CCDC88C: variants seen among roughly 807,000 people sequenced by gnomAD.
CCDC88C encodes the protein protein Daple.
In CCDC88C, 131 loss-of-function variants were observed where a neutral mutation model predicts 198.8. That is an observed-to-expected ratio of 0.66 (90% CI 0.57 to 0.76). The LOEUF (loss-of-function observed/expected upper bound fraction) is 0.76, where lower values mean the gene tolerates loss of function less well. Ranked by LOEUF, CCDC88C falls within the 30% of genes least tolerant of loss-of-function variation. The pLI, the probability that CCDC88C is intolerant of heterozygous loss-of-function variation, is 0.00. For missense variants in CCDC88C, 2,553 were observed against 2,631.6 expected (o/e 0.97, Z 0.65); for synonymous variants, 1,166 against 1,114.7 (o/e 1.05, Z -0.92).
intron 29 of CCDC88C, among the ~76,000 whole-genome samples, chr14:91,276,410 A>C (rs1437415626): frequency 6.6e-6 from 1 of 152,268 alleles, no homozygotes; most frequent in Non-Finnish European, 1.5e-5. Context: ...AGAAATGTTT[A>C]AATGAAGGAA....
chr14:91,362,553 C>T (rs770250474), intron 3 of CCDC88C, among the ~76,000 whole-genome samples: 20 of 152,198 alleles, frequency 1.3e-4, no homozygotes, highest in Non-Finnish European at 2.6e-4. Flanking sequence ...TATGTGTTCT[C>T]CTTCCAAAAC....
At chr14:91,416,054 C>T (rs957515042) in intron 2 of CCDC88C, among the ~76,000 whole-genome samples, 1 of 152,184 alleles carries the variant, frequency 6.6e-6, no homozygotes, top group Non-Finnish European at 1.5e-5. Flanking sequence ...GAAGCCAACA[C>T]CTACGTTGTG....
chr14:91,380,549 C>CT (rs1884726712), intron 3 of CCDC88C, among the ~76,000 whole-genome samples: 1 of 151,832 alleles, frequency 6.6e-6, no homozygotes, highest in Non-Finnish European at 1.5e-5. Context: ...AGATTGGCTC[C>CT]ATCTTTTTTC....
chr14:91,316,913 G>A (rs1892125240), intron 13 of CCDC88C, among the ~76,000 whole-genome samples: 2 of 152,194 alleles, frequency 1.3e-5, no homozygotes, highest in African/African-American at 4.8e-5. Flanking sequence ...GGCCCCCAGA[G>A]GGTTTCCTGT....
At chr14:91,359,732 A>G in intron 3 of CCDC88C, 21 bp from the exon 4 acceptor site, 1 of 1,599,002 alleles carries the variant, frequency 6.3e-7, no homozygotes, top group Non-Finnish European at 8.5e-7. Context: ...AAAGGGGGAA[A>G]AGATACCATT....
At chr14:91,413,909 T>C (rs537552878) in intron 2 of CCDC88C, among the ~76,000 whole-genome samples, 3 of 152,280 alleles carry the variant, frequency 2.0e-5, no homozygotes, top group African/African-American at 7.2e-5. Context: ...AACAGGCAAA[T>C]AGCACAGTCT....
In CCDC88C at chr14:91,352,056, G is replaced by A. The variant is rs535516395; in HGVS notation, c.340+7586C>T. Among the ~76,000 whole-genome samples, 1 of 152,344 alleles carries A rather than the reference G, an allele frequency of 6.6e-6. No homozygotes were observed. Among genetic ancestry groups the A allele is most frequent in the East Asian group, 1.9e-4 (1 of 5,176 alleles). ...GCCCTGGGAAGGGGCGAGGAGCTAG[G>A]GCAGGCAGGGGACGCTCTGGGAAAG... On this transcript the variant is annotated intron_variant, in intron 4 of 29. Coordinates refer to ENST00000389857, the MANE Select transcript of CCDC88C (RefSeq NM_001080414.4). The surrounding 1 kb of genome is among the most constrained non-coding windows in gnomAD (Gnocchi z 4.2).
chr14:91,308,603 G>A, intron 16 of CCDC88C, 111 bp from the exon 17 acceptor site: 1 of 1,160,732 alleles, frequency 8.6e-7, no homozygotes, highest in Non-Finnish European at 1.2e-6. Flanking sequence ...TTACGGAGCT[G>A]CTGCAGCTTT....
intron 4 of CCDC88C, among the ~76,000 whole-genome samples, chr14:91,346,572 C>A (rs1024575059): frequency 1.3e-5 from 2 of 152,056 alleles, no homozygotes; most frequent in African/African-American, 4.8e-5. Flanking sequence ...TCCCTATTAA[C>A]GTGGAGCTAT....
intron 4 of CCDC88C, among the ~76,000 whole-genome samples, 185 bp downstream of exon 4, chr14:91,359,457 G>A (rs1180143923): frequency 6.6e-6 from 1 of 152,164 alleles, no homozygotes; most frequent in South Asian, 2.1e-4. Flanking sequence ...CATTCTTAAG[G>A]AAGAAATGTG....
chr14:91,364,907 G>A (rs529567072), intron 3 of CCDC88C, among the ~76,000 whole-genome samples: 3 of 152,244 alleles, frequency 2.0e-5, no homozygotes, highest in African/African-American at 7.2e-5. Flanking sequence ...TTGAGAAATC[G>A]GGACCATCCC....
intron 29 of CCDC88C, among the ~76,000 whole-genome samples, chr14:91,275,540 C>T (rs1370019203): frequency 6.6e-6 from 1 of 151,300 alleles, no homozygotes; most frequent in African/African-American, 2.4e-5. Context: ...TGCAGTGGCA[C>T]AATCTCGGTT....
At position 91,278,167 on chromosome 14, in the gene CCDC88C, C is replaced by T. The variant is rs777179900; in HGVS notation, c.4813G>A (p.Glu1605Lys). The T allele has an allele frequency of 3.1e-6, 5 of 1,612,128 alleles. No individual in the cohort carries two copies. Among genetic ancestry groups the T allele is most frequent in the East Asian group, 2.2e-5 (1 of 44,864 alleles). Residue 1605 changes from glutamate (E) to lysine (K), a missense_variant, in exon 29 of 30, where the codon GAA becomes AAA. By Grantham distance (56) the Glu-to-Lys change is moderately conservative. Transcript: ENST00000389857. ...AGGTCCCTGCTGGGGATCAGGTCTT[C>T]GCTGCTGAAGCTCTCAGACCGGCCA... ...LHGRSESFSS[E>K]DLIPSRDLAT...
At chr14:91,309,340 C>T (rs1393271150) in intron 16 of CCDC88C, among the ~76,000 whole-genome samples, 1 of 152,140 alleles carries the variant, frequency 6.6e-6, no homozygotes, top group Non-Finnish European at 1.5e-5. Context: ...CAGTGGCTCA[C>T]ACCTGTAATC....
chr14:91,272,384 T>G lies in CCDC88C; in HGVS notation c.*241A>C. 1 of 540,196 alleles carries G rather than the reference T, an allele frequency of 1.9e-6. No homozygotes were observed. The highest frequency in any genetic ancestry group is 3.3e-6 in the Non-Finnish European group (1 of 306,614). The allele number at this position is 540,196 out of a possible 1,614,324, so 33.5% of individuals were successfully genotyped here. ...TCCCCATGCTGACGTGGATTATTTG[T>G]TCCAAAGATATCAGCTGCTGGAAGC... On this transcript the variant is annotated 3_prime_UTR_variant, in exon 30 of 30. Transcript: ENST00000389857.
At chr14:91,398,785 T>A (rs1280402479) in intron 3 of CCDC88C, among the ~76,000 whole-genome samples, 1 of 152,192 alleles carries the variant, frequency 6.6e-6, no homozygotes, top group African/African-American at 2.4e-5. Context: ...GTGATTCTAG[T>A]GGCCCTGAGA....
At chr14:91,319,418 C>T (rs1316105436) in intron 13 of CCDC88C, among the ~76,000 whole-genome samples, 4 of 152,242 alleles carry the variant, frequency 2.6e-5, no homozygotes, top group African/African-American at 9.6e-5. Context: ...GTTCAGCTAT[C>T]TCTTCTTCCC....
At chr14:91,355,652 G>A (rs1256783769) in intron 4 of CCDC88C, among the ~76,000 whole-genome samples, 2 of 152,198 alleles carry the variant, frequency 1.3e-5, no homozygotes, top group Admixed American at 6.5e-5. Context: ...GCAATTTTCA[G>A]TATACGAAGT....
At chr14:91,370,545 C>T (rs1030421780) in intron 3 of CCDC88C, among the ~76,000 whole-genome samples, 4 of 152,098 alleles carry the variant, frequency 2.6e-5, no homozygotes, top group Admixed American at 6.5e-5. Context: ...AAGAAGGGGG[C>T]GGGGGGCAGC....
Sources: gnomAD v4.1 joint callset for allele counts (sites outside exome capture counted in the v4.1 genomes callset) on GRCh38, gnomAD v4.1.1 for gene constraint, Gnocchi (gnomAD v3.1) non-coding constraint, MANE v1.5 for transcripts, NCBI Gene and HGNC (gene_info 2026-07-23, HGNC 2026-07-21) for gene names.